SPIDR: variants seen among roughly 807,000 people sequenced by gnomAD.
SPIDR encodes scaffold protein involved in DNA repair.
SPIDR carries 93 observed loss-of-function variants against 104.6 expected under a neutral mutation model. The observed-to-expected ratio is 0.89, with a 90% confidence interval of 0.75 to 1.06. The LOEUF is 1.06. Among genes scored for constraint, SPIDR ranks in the 50% least tolerant of loss-of-function variants. The pLI is 0.00. For synonymous variants in SPIDR, 431 were observed against 416.9 expected (o/e 1.03, Z -0.41); for missense variants, 1,154 against 1,111.2 (o/e 1.04, Z -0.55).
At chr8:47,341,137 T>G (rs1554613719) in intron 5 of SPIDR, among the ~76,000 whole-genome samples, 1 of 152,210 alleles carries the variant, frequency 6.6e-6, no homozygotes, top group Non-Finnish European at 1.5e-5. Context: ...CTGTGGGGTC[T>G]GTGCTAACTC....
At position 47,459,284 on chromosome 8, in the gene SPIDR, G is replaced by C. The variant is rs182303723; in HGVS notation, c.1097+18742G>C. Among the ~76,000 whole-genome samples, 159 of 151,292 alleles carry C rather than the reference G, an allele frequency of 1.1e-3. 1 individual carries two copies. Among genetic ancestry groups the C allele is most frequent in the African/African-American group, 3.8e-3 (155 of 41,282 alleles). ...TCTGGTCCTGGAAGTTTTTTTTCTT[G>C]GTAATTCTTTTATTACCGTTTCAAC... On this transcript the variant is annotated intron_variant, in intron 8 of 19. Coordinates refer to ENST00000297423, the MANE Select transcript of SPIDR (RefSeq NM_001080394.4).
At chr8:47,502,613 G>A (rs201632540) in intron 8 of SPIDR, among the ~76,000 whole-genome samples, 1 of 152,142 alleles carries the variant, frequency 6.6e-6, no homozygotes, top group East Asian at 1.9e-4. Context: ...ATTTTTTGAA[G>A]GGTTTTTCGT....
chr8:47,633,863 G>A (rs541725352), intron 10 of SPIDR, among the ~76,000 whole-genome samples: 4 of 152,180 alleles, frequency 2.6e-5, no homozygotes, highest in Non-Finnish European at 5.9e-5. Flanking sequence ...GGAGGCTGAG[G>A]TGGGCAGATT....
chr8:47,579,932 A>C (rs138871763), intron 8 of SPIDR, among the ~76,000 whole-genome samples: 86 of 152,296 alleles, frequency 5.6e-4, no homozygotes, highest in Non-Finnish European at 8.7e-4. Flanking sequence ...AAGAGAACAG[A>C]CTGGCTTTGA....
At chr8:47,657,914 C>T (rs972065964) in intron 10 of SPIDR, among the ~76,000 whole-genome samples, 7 of 151,174 alleles carry the variant, frequency 4.6e-5, no homozygotes, top group African/African-American at 1.7e-4. Flanking sequence ...GCCTTAGTCC[C>T]AGCCGTTTGG....
intron 10 of SPIDR, among the ~76,000 whole-genome samples, chr8:47,618,945 C>T (rs1336005738): frequency 6.6e-6 from 1 of 152,166 alleles, no homozygotes; most frequent in East Asian, 1.9e-4. Context: ...AAACAAAGTG[C>T]CATAGGCACT....
At chr8:47,613,868 T>C (rs192293716) in intron 10 of SPIDR, among the ~76,000 whole-genome samples, 25 of 152,334 alleles carry the variant, frequency 1.6e-4, no homozygotes, top group Admixed American at 1.6e-3. Flanking sequence ...TTTTATTTTA[T>C]TTTATTTTAA....
chr8:47,424,514 T>C (rs1554683293), intron 7 of SPIDR, among the ~76,000 whole-genome samples: 1 of 152,054 alleles, frequency 6.6e-6, no homozygotes, highest in African/African-American at 2.4e-5. Context: ...AATGGAGTCT[T>C]CCTATGTTTT....
chr8:47,723,025 ATTGTTG>A (rs369381394), intron 16 of SPIDR, among the ~76,000 whole-genome samples: 53 of 150,708 alleles, frequency 3.5e-4, no homozygotes, highest in East Asian at 2.3e-3. Flanking sequence ...TGTTGTTGTT[ATTGTTG>A]TTGTTGTTGT....
intron 5 of SPIDR, among the ~76,000 whole-genome samples, chr8:47,348,317 T>G (rs936218793): frequency 3.3e-5 from 5 of 152,184 alleles, no homozygotes; most frequent in East Asian, 3.9e-4. Context: ...CGAGATATCC[T>G]CTGTTAGTCT....
At chr8:47,410,539 C>A (rs573653411) in intron 7 of SPIDR, among the ~76,000 whole-genome samples, 7 of 152,130 alleles carry the variant, frequency 4.6e-5, no homozygotes, top group Non-Finnish European at 8.8e-5. Context: ...GACTTTGTTT[C>A]TTGGCGTTTT....
At chr8:47,621,552 C>T (rs2065175871) in intron 10 of SPIDR, among the ~76,000 whole-genome samples, 1 of 152,218 alleles carries the variant, frequency 6.6e-6, no homozygotes, top group South Asian at 2.1e-4. Flanking sequence ...AGGGGCTCTG[C>T]CCTTTCTTGC....
At chr8:47,515,769 C>T (rs1199255636) in intron 8 of SPIDR, among the ~76,000 whole-genome samples, 3 of 152,106 alleles carry the variant, frequency 2.0e-5, no homozygotes, top group Non-Finnish European at 4.4e-5. Flanking sequence ...AAATACATTT[C>T]CTCTGTAAGC....
At chr8:47,395,153 A>G (rs1554657512) in intron 5 of SPIDR, among the ~76,000 whole-genome samples, 1 of 152,050 alleles carries the variant, frequency 6.6e-6, no homozygotes, top group African/African-American at 2.4e-5. Flanking sequence ...GTTCGAGACC[A>G]GCCTGGCCAA....
intron 8 of SPIDR, among the ~76,000 whole-genome samples, chr8:47,505,499 G>T (rs1232249522): frequency 6.6e-6 from 1 of 152,202 alleles, no homozygotes; most frequent in African/African-American, 2.4e-5. Context: ...GCAGTATTAG[G>T]GTGGGAGTGA....
intron 8 of SPIDR, among the ~76,000 whole-genome samples, chr8:47,496,276 A>T (rs984602666): frequency 6.6e-6 from 1 of 152,114 alleles, no homozygotes; most frequent in African/African-American, 2.4e-5. Flanking sequence ...TGTGGATCTT[A>T]GGGGGAAAGT....
At chr8:47,441,873 G>A (rs782009990) in intron 8 of SPIDR, among the ~76,000 whole-genome samples, 5 of 152,062 alleles carry the variant, frequency 3.3e-5, no homozygotes, top group Non-Finnish European at 5.9e-5. Flanking sequence ...AAATGGCCAC[G>A]AGGAGTCCCA....
At chr8:47,301,133 G>A (rs896282387) in intron 5 of SPIDR, among the ~76,000 whole-genome samples, 15 of 152,280 alleles carry the variant, frequency 9.9e-5, no homozygotes, top group South Asian at 4.1e-4. Flanking sequence ...GGGTGCTCCC[G>A]TATTGGGTGC....
intron 5 of SPIDR, among the ~76,000 whole-genome samples, chr8:47,362,579 A>G (rs1240296618): frequency 6.6e-6 from 1 of 152,242 alleles, no homozygotes; most frequent in African/African-American, 2.4e-5. Flanking sequence ...CAGGCACACA[A>G]AAGTGTAAAG....
Sources: allele counts gnomAD v4.1 joint callset (sites outside exome capture counted in the v4.1 genomes callset), GRCh38; gene constraint gnomAD v4.1.1; transcripts MANE v1.5; gene names NCBI Gene and HGNC (gene_info 2026-07-23, HGNC 2026-07-21).